The following POLL variants were observed in gnomAD, a reference collection of about 807,000 sequenced individuals.
POLL encodes DNA polymerase beta-2.
POLL carries 44 observed loss-of-function variants against 58.1 expected under a neutral mutation model. The observed-to-expected ratio is 0.76, with a 90% CI of 0.60 to 0.97. The LOEUF (loss-of-function observed/expected upper bound fraction) is 0.97. Ranked by LOEUF, POLL falls within the 50% of genes least tolerant of loss-of-function variation. POLL has a pLI of 0.00. For missense variants in POLL, 632 were observed against 736.8 expected (o/e 0.86, Z 1.65); for synonymous variants, 290 against 283.2 (o/e 1.02, Z -0.24).
In POLL at chr10:101,585,419, G is replaced by A; in HGVS notation, c.470C>T (p.Thr157Ile). 1 of 1,606,174 alleles carries A rather than the reference G, an allele frequency of 6.2e-7. No individual in the cohort carries two copies. Among genetic ancestry groups the A allele is most frequent in the Non-Finnish European group, 8.5e-7 (1 of 1,176,202 alleles). Reference protein sequence around the residue: ...AEQDASIPPGTHEALLQTALS... With the variant: ...AEQDASIPPGIHEALLQTALS... ...GGCTGTCTGAAGCAGGGCCTCATGG[G>A]TGCCAGGAGGAATAGAAGCATCCTG... The change falls in exon 4 of 9, where the codon ACC becomes ATC. Residue 157 changes from threonine (T) to isoleucine (I), a missense_variant. Coordinates refer to ENST00000370162, the MANE Select transcript of POLL (RefSeq NM_001174084.2).
chr10:101,580,480 C>T lies in POLL; in HGVS notation c.1195-64G>A, dbSNP rs56330712. ...GGGGAGCTCCTCTCCCACAGCAGTA[C>T]AAGGGCCTTCCCAGACTCGGGCCCA... On this transcript the variant is annotated intron_variant, in intron 7 of 8. Coordinates refer to ENST00000370162, the MANE Select transcript of POLL (RefSeq NM_001174084.2). This position sits in a 1 kb window ranked among gnomAD's most constrained non-coding sequence, Gnocchi z 4.1. 15 of 1,460,188 alleles carry T rather than the reference C, an allele frequency of 1.0e-5. No individual in the cohort carries two copies. Among genetic ancestry groups the T allele is most frequent in the African/African-American group, 5.6e-5 (4 of 71,768 alleles). The allele number at this position is 1,460,188 out of a possible 1,614,324, so 90.5% of individuals were successfully genotyped here.
chr10:101,579,123 A>AG lies in POLL; in HGVS notation c.*329dup. The AG allele has an allele frequency of 3.1e-6, 1 of 324,120 alleles. No homozygotes were observed. The highest frequency in any genetic ancestry group is 4.2e-5 in the South Asian group (1 of 23,692). The allele number at this position is 324,120 out of a possible 1,614,324, so 20.1% of individuals were successfully genotyped here. A position where few individuals can be genotyped will look rare whatever the true frequency, so the allele number is the denominator to read the frequency against. On this transcript the variant is annotated 3_prime_UTR_variant, in exon 9 of 9. Coordinates refer to ENST00000370162, the MANE Select transcript of POLL (RefSeq NM_001174084.2). This position sits in a 1 kb window ranked among gnomAD's most constrained non-coding sequence, Gnocchi z 4.4. ...AGCTTGGCCTTTCCCATAGCAGGGA[A>AG]GGGGGATACCTGGGGCTTCAAACCA... is the stretch of plus-strand genomic sequence containing the variant.
Position 101,579,724 on chromosome 10 carries a change from T to TGCCGCC in POLL, c.1451_1456dup (p.Arg484_Arg485dup). The TGCCGCC allele has an allele frequency of 6.2e-7, 1 of 1,613,618 alleles. No individual in the cohort carries two copies. The highest frequency in any genetic ancestry group is 8.5e-7 in the Non-Finnish European group (1 of 1,179,956). On this transcript the variant is annotated inframe_insertion, in exon 9 of 9. Transcript: ENST00000370162. This position sits in a 1 kb window ranked among gnomAD's most constrained non-coding sequence, Gnocchi z 4.4. ...CACCACGATGATGTCCAGGCGCCGG[T>TGCCGCC]GCCGCCGCCCTGGCCCTGGGAGCCG...
At chr10:101,585,295 G>A in intron 4 of POLL, 21 bp downstream of exon 4, 2 of 1,508,380 alleles carry the variant, frequency 1.3e-6, no homozygotes, top group Non-Finnish European at 1.8e-6. Context: ...AGGGAGTTCT[G>A]AGGGATGGGA....
At chr10:101,583,391 G>GA in intron 6 of POLL, 117 bp downstream of exon 6, 1 of 1,117,144 alleles carries the variant, frequency 9.0e-7, no homozygotes, top group Non-Finnish European at 1.3e-6. Context: ...TCCCTATACT[G>GA]TGGGTGCATT....
chr10:101,584,870 G>T lies in POLL; in HGVS notation c.623C>A (p.Ala208Glu). 6.9e-7 allele frequency: 1 copy of T among 1,456,812 alleles called. No individual in the cohort carries two copies. Among genetic ancestry groups the T allele is most frequent in the Non-Finnish European group, 9.1e-7 (1 of 1,098,374 alleles). The allele number at this position is 1,456,812 out of a possible 1,614,324, so 90.2% of individuals were successfully genotyped here. A position where few individuals can be genotyped will look rare whatever the true frequency, so the allele number is the denominator to read the frequency against. Residue 208 changes from alanine to glutamate, a missense_variant, in exon 5 of 9, where the codon GCA (alanine) becomes GAA (glutamate). By Grantham distance (107) the Ala-to-Glu change is moderately radical. Transcript: ENST00000370162. Reference protein sequence around the residue: ...ASDGEETQVSAADLEALISGH... With the variant: ...ASDGEETQVSEADLEALISGH... ...ACTGATGAGGGCTTCCAGATCAGCT[G>T]CACTAACCTGGGTTTCTTCCCCATC...
chr10:101,587,672 G>A (rs1219458481), intron 1 of POLL, 150 bp downstream of exon 1: 7 of 968,346 alleles, frequency 7.2e-6, no homozygotes, highest in East Asian at 5.1e-5. Context: ...ATTCCTCAGA[G>A]GGGTTGCGCT....
chr10:101,579,399 G>A lies in POLL; in HGVS notation c.*54C>T. 6.5e-7 allele frequency: 1 copy of A among 1,537,864 alleles called. No individual in the cohort carries two copies. Among genetic ancestry groups the A allele is most frequent in the Non-Finnish European group, 8.7e-7 (1 of 1,147,978 alleles). ...CTGAGGCTGGAGGGAGTACTGGGTG[G>A]CCAGGAGGGGTAGCCAGTCCAACTC... On this transcript the variant is annotated 3_prime_UTR_variant, in exon 9 of 9. Transcript: ENST00000370162. The surrounding 1 kb of genome is among the most constrained non-coding windows in gnomAD (Gnocchi z 4.4).
chr10:101,586,247 G>C, intron 2 of POLL, 91 bp from the exon 3 acceptor site: 10 of 1,145,864 alleles, frequency 8.7e-6, no homozygotes, highest in Non-Finnish European at 1.1e-5. Context: ...AACATGATCT[G>C]AATGACGTGT....
In POLL at chr10:101,579,303, T is replaced by G. The variant is rs1351122911; in HGVS notation, c.*150A>C. 16 of 896,788 alleles carry G rather than the reference T, an allele frequency of 1.8e-5. No homozygotes were observed. Among genetic ancestry groups the G allele is most frequent in the Non-Finnish European group, 2.7e-5 (16 of 602,748 alleles). The allele number at this position is 896,788 out of a possible 1,614,324, so 55.6% of individuals were successfully genotyped here. On this transcript the variant is annotated 3_prime_UTR_variant, in exon 9 of 9. Coordinates refer to ENST00000370162, the MANE Select transcript of POLL (RefSeq NM_001174084.2). This position sits in a 1 kb window ranked among gnomAD's most constrained non-coding sequence, Gnocchi z 4.4. ...AGACACTGGGAGCCGGGCTGGCTCT[T>G]GCTTCAGGCCCAGAGCCCTGGGCCC...
At position 101,584,755 on chromosome 10, in the gene POLL, GC is replaced by G; in HGVS notation, c.737del (p.Ser246ThrfsTer69). 6.2e-7 allele frequency: 1 copy of G among 1,614,028 alleles called. No individual in the cohort carries two copies. Among genetic ancestry groups the G allele is most frequent in the East Asian group, 2.2e-5 (1 of 44,868 alleles). ...GGAGGTTGTGATTGGTCGCCTTCTG[GC>G]TTGAGGGCTGTGCACAGACCCACTT... is the stretch of plus-strand genomic sequence containing the variant. Reference protein sequence around the residue: ...LDKWVCAQPSSQKATNHNLHI... With the variant: ...LDKWVCAQPSXQKATNHNLHI... On this transcript the variant is annotated frameshift_variant, in exon 5 of 9. Coordinates refer to ENST00000370162, the MANE Select transcript of POLL (RefSeq NM_001174084.2). LOFTEE classifies it high-confidence loss of function.
intron 1 of POLL, 142 bp downstream of exon 1, chr10:101,587,680 G>A: frequency 9.9e-7 from 1 of 1,007,484 alleles, no homozygotes; most frequent in Non-Finnish European, 1.3e-6. Context: ...GAGGGGTTGC[G>A]CTAAAGATTC....
At chr10:101,583,392 TG>T in intron 6 of POLL, 115 bp downstream of exon 6, 1 of 1,123,910 alleles carries the variant, frequency 8.9e-7, no homozygotes, top group Non-Finnish European at 1.3e-6. Context: ...CCCTATACTG[TG>T]GGTGCATTCC....
chr10:101,580,549 G>T lies in POLL; in HGVS notation c.1195-133C>A. On this transcript the variant is annotated intron_variant, in intron 7 of 8. Coordinates refer to ENST00000370162, the MANE Select transcript of POLL (RefSeq NM_001174084.2). The surrounding 1 kb of genome is among the most constrained non-coding windows in gnomAD (Gnocchi z 4.1). ...ATTCCAGATGCCTGCTGCAAGCCCAGGGGAATCCACCCTGAGGAGCTGCTG... is the reference window on the plus strand; with the variant it reads ...ATTCCAGATGCCTGCTGCAAGCCCATGGGAATCCACCCTGAGGAGCTGCTG... The T allele has an allele frequency of 1.4e-6, 1 of 730,808 alleles. No individual in the cohort carries two copies. 45.3% of individuals were successfully genotyped at this position (730,808 alleles called of 1,614,324 possible). A position where few individuals can be genotyped will look rare whatever the true frequency, so the allele number is the denominator to read the frequency against.
chr10:101,584,552 C>T, intron 5 of POLL, 50 bp downstream of exon 5: 1 of 1,358,730 alleles, frequency 7.4e-7, no homozygotes, highest in Non-Finnish European at 9.9e-7. Flanking sequence ...ACTGGGGTTA[C>T]TAACCACTGG....
In POLL at chr10:101,580,380, G is replaced by A. The variant is rs1041636175; in HGVS notation, c.1231C>T (p.Leu411=). 4 of 1,613,920 alleles carry A rather than the reference G, an allele frequency of 2.5e-6. No homozygotes were observed. Among genetic ancestry groups the A allele is most frequent in the Non-Finnish European group, 2.5e-6 (3 of 1,179,998 alleles). The change falls in exon 8 of 9, where the codon CTG becomes TTG. Residue 411 remains leucine, a synonymous_variant. Coordinates refer to ENST00000370162, the MANE Select transcript of POLL (RefSeq NM_001174084.2). This position sits in a 1 kb window ranked among gnomAD's most constrained non-coding sequence, Gnocchi z 4.1. ...KAAQAFNSGL[L]CVACGSYRRG... ...CGGTATGAACCACATGCCACACACA[G>A]CAGCCCAGAGTTAAAGGCCTGGGCT...
At chr10:101,586,266 C>T (rs1483787861) in intron 2 of POLL, 110 bp from the exon 3 acceptor site, 5 of 937,358 alleles carry the variant, frequency 5.3e-6, no homozygotes, top group Non-Finnish European at 8.0e-6. Flanking sequence ...GTTCACAGTC[C>T]CCTACCCTGA....
rs1187884124 is a variant in POLL at position 101,586,143 on chromosome 10, G to A, written c.129C>T (p.Ser43=). 6.2e-7 allele frequency: 1 copy of A among 1,611,372 alleles called. No individual in the cohort carries two copies. Among genetic ancestry groups the A allele is most frequent in the African/African-American group, 1.3e-5 (1 of 74,856 alleles). Residue 43 remains serine (S), a synonymous_variant, in exon 3 of 9, where the codon TCC becomes TCT. Coordinates refer to ENST00000370162, the MANE Select transcript of POLL (RefSeq NM_001174084.2). ...EGEEAEEWLS[S]LRAHVVRTGI... ...CAGTGCGCACAACATGGGCCCGAAG[G>A]GAGCTCAGCCACTCTGTGGAAGGAA...
Position 101,587,997 on chromosome 10 carries a change from G to T in POLL, c.-222C>A, listed in dbSNP as rs1332437936. ...CCTCCGGGAATGGAGGAGTCTCGCAGCTGCGGGTGAAGTCCCGGGCAGGTG... is the reference window on the plus strand; with the variant it reads ...CCTCCGGGAATGGAGGAGTCTCGCATCTGCGGGTGAAGTCCCGGGCAGGTG... On this transcript the variant is annotated 5_prime_UTR_variant, in exon 1 of 9. In the 5' UTR this introduces an upstream ATG that the reference lacks. Coordinates refer to ENST00000370162, the MANE Select transcript of POLL (RefSeq NM_001174084.2). The T allele has an allele frequency of 1.5e-6, 2 of 1,325,510 alleles. No individual in the cohort carries two copies. The highest frequency in any genetic ancestry group is 4.6e-5 in the Admixed American group (2 of 43,314). 82.1% of individuals were successfully genotyped at this position (1,325,510 alleles called of 1,614,324 possible).
Sources: gnomAD v4.1 joint callset for allele counts on GRCh38, gnomAD v4.1.1 for gene constraint, Gnocchi (gnomAD v3.1) non-coding constraint, MANE v1.5 for transcripts, NCBI Gene and HGNC (gene_info 2026-07-23, HGNC 2026-07-21) for gene names.